ANO2: variants seen among roughly 807,000 people sequenced by gnomAD.
ANO2 encodes anoctamin-2.
ANO2 carries 101 observed loss-of-function variants against 124.2 expected under a neutral mutation model. The ratio of observed to expected loss-of-function variants is 0.81; its 90% CI spans 0.69 to 0.96. The LOEUF is 0.96. ANO2 is among the 40% of genes least tolerant of loss of function. The pLI is 0.00. For synonymous variants in ANO2, 486 were observed against 482.5 expected (o/e 1.01, Z -0.09); for missense variants, 1,293 against 1,274.5 (o/e 1.01, Z -0.22).
At position 5,660,538 on chromosome 12, in the gene ANO2, C is replaced by A. The variant is rs567358252; in HGVS notation, c.1546-12737G>T. ...TCAATTCTCGATTCCAGCATCACTCCCACAATGAGAACTTTCCCACGCCCC... is the reference window on the plus strand; with the variant it reads ...TCAATTCTCGATTCCAGCATCACTCACACAATGAGAACTTTCCCACGCCCC... On this transcript the variant is annotated intron_variant, in intron 14 of 24. Coordinates refer to ENST00000682330, the MANE Select transcript of ANO2 (RefSeq NM_001364791.2). Among the ~76,000 whole-genome samples the A allele has an allele frequency of 6.6e-5, 10 of 151,526 alleles. No homozygotes were observed. The South Asian group carries it at 2.1e-3, about 32-fold the overall frequency.
At chr12:5,709,527 C>A (rs1482710461) in intron 14 of ANO2, among the ~76,000 whole-genome samples, 2 of 152,210 alleles carry the variant, frequency 1.3e-5, no homozygotes, top group Non-Finnish European at 2.9e-5. Flanking sequence ...AAATCCTGGA[C>A]TGGACTCAGG....
chr12:5,872,488 C>T (rs990215234), intron 3 of ANO2, among the ~76,000 whole-genome samples: 2 of 152,214 alleles, frequency 1.3e-5, no homozygotes, highest in African/African-American at 4.8e-5. Flanking sequence ...CACCTCAAAT[C>T]AGTGACTAAC....
At chr12:5,749,020 C>T (rs1951359888) in intron 11 of ANO2, among the ~76,000 whole-genome samples, 1 of 152,104 alleles carries the variant, frequency 6.6e-6, no homozygotes, top group African/African-American at 2.4e-5. Context: ...GATTTGCAAA[C>T]CATTTGCATA....
intron 14 of ANO2, among the ~76,000 whole-genome samples, chr12:5,709,315 T>C (rs909560436): frequency 3.9e-5 from 6 of 152,344 alleles, no homozygotes; most frequent in Middle Eastern, 3.4e-3. Flanking sequence ...CAGCCTTTCT[T>C]CCTGTTAGGA....
At position 5,936,434 on chromosome 12, in the gene ANO2, C is replaced by T. The variant is rs181635830; in HGVS notation, c.22+8762G>A. On this transcript the variant is annotated intron_variant, in intron 1 of 24. Transcript: ENST00000682330. ...CTGCCTTTACAAATGGGTTAGTACC[C>T]TTATAAAAGGGCTCAAAGGAACAGG... Among the ~76,000 whole-genome samples the T allele has an allele frequency of 1.1e-3, 175 of 152,290 alleles. 1 individual carries two copies. The highest frequency in any genetic ancestry group is 4.0e-3 in the African/African-American group (165 of 41,560).
chr12:5,943,280 TG>T (rs1942966184), intron 1 of ANO2, among the ~76,000 whole-genome samples: 1 of 8,594 alleles, frequency 1.2e-4, no homozygotes, highest in Admixed American at 4.8e-3. Flanking sequence ...TGTGTGTTTG[TG>T]TGTGTGTGTG....
chr12:5,839,511 T>TA (rs934717589), intron 4 of ANO2: 13 of 451,220 alleles, frequency 2.9e-5, no homozygotes, highest in African/African-American at 2.0e-4. Flanking sequence ...CTAAATACTT[T>TA]AAAAAGTATT....
intron 3 of ANO2, among the ~76,000 whole-genome samples, chr12:5,910,180 T>C (rs116618793): frequency 2.2e-3 from 329 of 152,282 alleles, no homozygotes; most frequent in African/African-American, 7.7e-3. Context: ...TATGTGTTTG[T>C]TCTTGTTGTT....
rs1418031213 is a variant in ANO2, at chr12:5,945,228, C to G, written c.-11G>C. ...CCCGGGAGTCGCCATGATGTGGACG[C>G]AGACCCCGCCGGCCCGCGGCCGCGC... On this transcript the variant is annotated 5_prime_UTR_variant, in exon 1 of 25. Coordinates refer to ENST00000682330, the MANE Select transcript of ANO2 (RefSeq NM_001364791.2). 7.0e-6 allele frequency: 9 copies of G among 1,287,338 alleles called. No individual in the cohort carries two copies. Among genetic ancestry groups the G allele is most frequent in the Non-Finnish European group, 9.1e-6 (9 of 987,538 alleles). 79.7% of individuals were successfully genotyped at this position (1,287,338 alleles called of 1,614,324 possible).
chr12:5,588,331 C>A (rs1023870340), intron 20 of ANO2, among the ~76,000 whole-genome samples: 7 of 152,198 alleles, frequency 4.6e-5, no homozygotes, highest in African/African-American at 1.7e-4. Context: ...GGAGGTCTAG[C>A]CAGTTAGGAA....
At chr12:5,755,966 C>T (rs1951569978) in intron 10 of ANO2, among the ~76,000 whole-genome samples, 3 of 152,116 alleles carry the variant, frequency 2.0e-5, no homozygotes, top group Non-Finnish European at 4.4e-5. Context: ...TTTCTTTAGT[C>T]TCCTTCTGAG....
chr12:5,885,867 A>C (rs1938858414), intron 3 of ANO2, among the ~76,000 whole-genome samples: 1 of 152,202 alleles, frequency 6.6e-6, no homozygotes, highest in Admixed American at 6.5e-5. Context: ...TAGTCCATTA[A>C]GGCTGACTCC....
intron 4 of ANO2, among the ~76,000 whole-genome samples, chr12:5,843,642 A>G (rs2137237240): frequency 6.6e-6 from 1 of 151,418 alleles, no homozygotes; most frequent in Non-Finnish European, 1.5e-5. Context: ...GAACTATCAA[A>G]AACAGTTCCG....
At chr12:5,762,766 A>C (rs989778125) in intron 10 of ANO2, among the ~76,000 whole-genome samples, 3 of 151,972 alleles carry the variant, frequency 2.0e-5, no homozygotes, top group Admixed American at 6.6e-5. Flanking sequence ...ATACTGAAAC[A>C]AAACTAGAAT....
chr12:5,916,164 C>A (rs61908405), intron 3 of ANO2, among the ~76,000 whole-genome samples: 23,052 of 151,988 alleles, frequency 0.15, 1,982 homozygotes, highest in Middle Eastern at 0.2. Flanking sequence ...CTGGTCCCAG[C>A]TACTCAGGAG....
chr12:5,706,608 A>G (rs569024989), intron 14 of ANO2, among the ~76,000 whole-genome samples: 2 of 152,176 alleles, frequency 1.3e-5, no homozygotes, highest in East Asian at 3.9e-4. Context: ...ACTTTGCTTC[A>G]TCTTTCCTCA....
intron 14 of ANO2, among the ~76,000 whole-genome samples, chr12:5,711,019 G>A (rs191866196): frequency 8.6e-5 from 13 of 151,974 alleles, no homozygotes; most frequent in Non-Finnish European, 1.6e-4. Context: ...TTAGCCGGGC[G>A]TGGTGGCATG....
At chr12:5,743,587 G>A (rs962857336) in intron 12 of ANO2, among the ~76,000 whole-genome samples, 3 of 151,948 alleles carry the variant, frequency 2.0e-5, no homozygotes, top group African/African-American at 4.8e-5. Context: ...AAAAATGAAG[G>A]AATTATTTTT....
intron 10 of ANO2, among the ~76,000 whole-genome samples, chr12:5,784,248 G>C (rs1345634313): frequency 1.3e-5 from 2 of 152,050 alleles, no homozygotes; most frequent in Admixed American, 1.3e-4. Context: ...CTTCCAGGAG[G>C]CCTCCTCTGA....
Sources: allele counts gnomAD v4.1 joint callset (sites outside exome capture counted in the v4.1 genomes callset), GRCh38; gene constraint gnomAD v4.1.1; transcripts MANE v1.5; gene names NCBI Gene and HGNC (gene_info 2026-07-23, HGNC 2026-07-21).